Variants in STK3 observed in about 807,000 individuals in gnomAD.
The protein encoded by STK3 is serine/threonine kinase 3.
A neutral mutation model predicts 58.0 loss-of-function variants in STK3; 41 were observed. That is an observed-to-expected ratio of 0.71 (90% CI 0.55 to 0.92). The LOEUF (loss-of-function observed/expected upper bound fraction) is 0.92, where lower values mean the gene tolerates loss of function less well. STK3 is among the 40% of genes least tolerant of loss of function. The pLI is 0.00. For synonymous variants in STK3, 170 were observed against 191.0 expected, an observed-to-expected ratio of 0.89 and a Z score of 0.91; for missense variants, 479 against 602.7, an observed-to-expected ratio of 0.79 and a Z score of 2.15.
rs554160583 is a variant in STK3 at position 98,457,476 on chromosome 8, A to T, written c.1318-1476T>A. ...TGTTCTTCAACATCATCTCTATTTC[A>T]GCCCATGTTAATCTTTCCCATTTCT... is the stretch of plus-strand genomic sequence containing the variant. On this transcript the variant is annotated intron_variant, in intron 10 of 10. Transcript: ENST00000419617. Among the ~76,000 whole-genome samples, 188 of 152,330 alleles carry T rather than the reference A, an allele frequency of 1.2e-3. 1 individual carries two copies. Among genetic ancestry groups the T allele is most frequent in the African/African-American group, 4.4e-3 (184 of 41,584 alleles).
At chr8:98,451,396 A>G (rs1056650672), downstream of STK3, among the ~76,000 whole-genome samples, 2 of 152,184 alleles carry the variant, frequency 1.3e-5, no homozygotes, top group Admixed American at 1.3e-4. Context: ...ACAATAATGG[A>G]GATAAGGTCA....
chr8:98,893,470 GAAAGAAAGAAAGAAAGAGAAAGAAAGAA>G (rs1838301660), intron 1 of STK3, among the ~76,000 whole-genome samples: 58 of 76,400 alleles, frequency 7.6e-4, no homozygotes, highest in South Asian at 3.1e-3. Context: ...AAGAAAGAAA[GAAAGAAAGAAAGAAAGAGAAAGAAAGAA>G]AGAAAGAAAG....
At chr8:98,373,381 G>A (rs1428818312) in intron 2 of STK3, among the ~76,000 whole-genome samples, 1 of 152,092 alleles carries the variant, frequency 6.6e-6, no homozygotes, top group Middle Eastern at 3.2e-3. Context: ...ACATGACTTG[G>A]TTTGGCCAAT....
In STK3 at chr8:98,672,152, G is replaced by T. The variant is rs191731057; in HGVS notation, c.684+34315C>A. 6.7e-3 allele frequency among the ~76,000 whole-genome samples: 1,022 copies of T among 152,166 alleles called. 6 individuals carry two copies. The highest frequency in any genetic ancestry group is 0.023 in the African/African-American group (958 of 41,500). ...AACACAGACAGGGTCTCTCAAACTTGCCCAGGCTGGTCTTGAACTCCTGGG... is the reference window on the plus strand; with the variant it reads ...AACACAGACAGGGTCTCTCAAACTTTCCCAGGCTGGTCTTGAACTCCTGGG... On this transcript the variant is annotated intron_variant, in intron 6 of 10. Transcript: ENST00000419617.
chr8:98,626,712 T>C (rs1818749347), intron 6 of STK3, among the ~76,000 whole-genome samples: 1 of 152,228 alleles, frequency 6.6e-6, no homozygotes, highest in Non-Finnish European at 1.5e-5. Flanking sequence ...GGATAAGGTA[T>C]TCTTTCAAAC....
chr8:98,860,786 G>A (rs1836903772), intron 3 of STK3, among the ~76,000 whole-genome samples: 1 of 152,156 alleles, frequency 6.6e-6, no homozygotes, highest in African/African-American at 2.4e-5. Flanking sequence ...TGGATGCGGT[G>A]GCTCATGCCT....
chr8:98,788,462 CAA>C (rs371210857), intron 1 of STK3, among the ~76,000 whole-genome samples: 10 of 143,022 alleles, frequency 7.0e-5, no homozygotes, highest in African/African-American at 2.3e-4. Context: ...AACAAACAAA[CAA>C]AAAAAAAAAT....
intron 7 of STK3, among the ~76,000 whole-genome samples, chr8:98,583,997 T>A (rs1329014644): frequency 1.3e-5 from 2 of 152,146 alleles, no homozygotes; most frequent in Admixed American, 1.3e-4. Flanking sequence ...TCTGTAGGGT[T>A]TCACAATTTT....
At chr8:98,403,276 AC>A (rs1563593453) in intron 3 of STK3, among the ~76,000 whole-genome samples, 1 of 152,056 alleles carries the variant, frequency 6.6e-6, no homozygotes, top group East Asian at 1.9e-4. Flanking sequence ...AATTACTTGA[AC>A]CCAGGATAGT....
chr8:98,531,985 A>G (rs1222107049), intron 9 of STK3, among the ~76,000 whole-genome samples: 1 of 152,200 alleles, frequency 6.6e-6, no homozygotes, highest in Non-Finnish European at 1.5e-5. Context: ...TTAATCTTCT[A>G]TCCACACCAC....
rs189071749 is a variant in STK3, at chr8:98,489,172, A to G, written c.1318-33172T>C. On this transcript the variant is annotated intron_variant, in intron 10 of 10. Transcript: ENST00000419617. ...GCACATATCTATTTCCTTAGATTAC[A>G]TTCCTAGAAGTGAGTGAGAGGATAT... Among the ~76,000 whole-genome samples the G allele has an allele frequency of 5.9e-5, 9 of 152,252 alleles. No homozygotes were observed. The East Asian group carries it at 1.7e-3, about 29-fold the overall frequency.
intron 6 of STK3, among the ~76,000 whole-genome samples, chr8:98,632,977 ATTAG>A (rs1304004488): frequency 1.3e-5 from 2 of 152,240 alleles, no homozygotes; most frequent in Non-Finnish European, 2.9e-5. Context: ...TTATTTAATA[ATTAG>A]TATGTCATAA....
chr8:98,871,636 CTCTGTTTG>C (rs1438958598), intron 3 of STK3, among the ~76,000 whole-genome samples: 1 of 138,270 alleles, frequency 7.2e-6, no homozygotes, highest in Non-Finnish European at 1.6e-5. Flanking sequence ...TGATTTGGCT[CTCTGTTTG>C]TCTGTTATTG....
Position 98,428,022 on chromosome 8 carries a change from G to T in STK3, n.483+6105C>A. 6.2e-7 allele frequency: 1 copy of T among 1,600,164 alleles called. No individual in the cohort carries two copies. The highest frequency in any genetic ancestry group is 8.5e-7 in the Non-Finnish European group (1 of 1,172,352). On this transcript the variant is annotated intron_variant and non_coding_transcript_variant, in intron 3 of 3. Transcript: ENST00000517832. This position sits in a 1 kb window ranked among gnomAD's most constrained non-coding sequence, Gnocchi z 6.7. ...GTGGGACGTGTCGGAGGCTAACGTC[G>T]AGGACGGGGAGATCCGCATCAATGT...
intron 6 of STK3, among the ~76,000 whole-genome samples, chr8:98,644,425 T>A (rs1425461225): frequency 1.3e-5 from 2 of 152,194 alleles, no homozygotes; most frequent in African/African-American, 4.8e-5. Flanking sequence ...ACGGCATCCA[T>A]TGTATTGAAT....
chr8:98,428,741 G>T lies in STK3; in HGVS notation n.483+5386C>A. ...TTGCTGTGGCCCCTGACTTCCTCAA[G>T]TTCTTCAAGAATGCCCTAAACCTTA... On this transcript the variant is annotated intron_variant and non_coding_transcript_variant, in intron 3 of 3. Coordinates refer to the STK3 transcript ENST00000517832. This position sits in a 1 kb window ranked among gnomAD's most constrained non-coding sequence, Gnocchi z 6.7. 1 of 1,614,244 alleles carries T rather than the reference G, an allele frequency of 6.2e-7. No individual in the cohort carries two copies. The highest frequency in any genetic ancestry group is 8.5e-7 in the Non-Finnish European group (1 of 1,180,046).
intron 6 of STK3, among the ~76,000 whole-genome samples, chr8:98,690,918 T>C (rs1824360749): frequency 6.6e-6 from 1 of 152,180 alleles, no homozygotes; most frequent in Admixed American, 6.5e-5. Context: ...GGAATGTGGA[T>C]GCAGCTGGAG....
chr8:98,841,681 CAAAAA>C (rs10605812), intron 3 of STK3, among the ~76,000 whole-genome samples: 5 of 86,692 alleles, frequency 5.8e-5, no homozygotes, highest in African/African-American at 2.0e-4. Flanking sequence ...GACCTGGTCT[CAAAAA>C]AAAAAAAAAA....
intron 1 of STK3, among the ~76,000 whole-genome samples, chr8:98,893,536 GAAAA>G (rs377130769): frequency 1.7e-3 from 204 of 121,246 alleles, no homozygotes; most frequent in African/African-American, 1.4e-3. Flanking sequence ...AAGAAAGAAA[GAAAA>G]AGAAAGAGAA....
Sources: gnomAD v4.1 joint callset for allele counts (sites outside exome capture counted in the v4.1 genomes callset) on GRCh38, gnomAD v4.1.1 for gene constraint, Gnocchi (gnomAD v3.1) non-coding constraint, MANE v1.5 for transcripts, NCBI Gene and HGNC (gene_info 2026-07-23, HGNC 2026-07-21) for gene names.